Variants in PPP1R3A observed in about 807,000 individuals in gnomAD.
PPP1R3A encodes the protein RG1.
In PPP1R3A, 29 loss-of-function variants were observed where a neutral mutation model predicts 41.7. The ratio of observed to expected loss-of-function variants is 0.70; its 90% CI spans 0.52 to 0.95. PPP1R3A has a LOEUF of 0.95. PPP1R3A is among the 40% of genes least tolerant of loss of function. The pLI is 0.00. For synonymous variants in PPP1R3A, 485 were observed against 453.4 expected (o/e 1.07, Z -0.89); for missense variants, 1,352 against 1,292.4 (o/e 1.05, Z -0.71).
At chr7:113,910,858 A>T (rs1315477180) in intron 1 of PPP1R3A, among the ~76,000 whole-genome samples, 1 of 152,274 alleles carries the variant, frequency 6.6e-6, no homozygotes, top group Admixed American at 6.5e-5. Context: ...ATGTTTTCAC[A>T]TAATTAGGAA....
chr7:113,907,247 A>G (rs1797162563), intron 1 of PPP1R3A, among the ~76,000 whole-genome samples: 1 of 151,806 alleles, frequency 6.6e-6, no homozygotes, highest in Non-Finnish European at 1.5e-5. Flanking sequence ...GCCCTATTAC[A>G]ATCACATTGT....
chr7:113,891,212 C>T (rs762134223), intron 1 of PPP1R3A, among the ~76,000 whole-genome samples: 20 of 151,574 alleles, frequency 1.3e-4, no homozygotes, highest in South Asian at 2.1e-4. Context: ...AACCTCTCTG[C>T]GCCTCATTTT....
At chr7:113,907,138 C>T (rs1797161098) in intron 1 of PPP1R3A, among the ~76,000 whole-genome samples, 1 of 151,682 alleles carries the variant, frequency 6.6e-6, no homozygotes, top group African/African-American at 2.4e-5. Context: ...TTCATGTTTA[C>T]CTGTAAATCA....
In PPP1R3A at chr7:113,879,432, C is replaced by G; in HGVS notation, c.1660G>C (p.Gly554Arg). The change falls in exon 4 of 4, where the codon GGG becomes CGG. Residue 554 changes from glycine (G) to arginine (R), a missense_variant. Gly to Arg is a moderately radical substitution (Grantham distance 125, BLOSUM62 -2). Transcript: ENST00000284601. ...AGGTCTCTGTTACTAGCTCCAATCC[C>G]TGCCACACTTATTTTAGGGTTACCC... ...KMGNPKISVA[G>R]IGASNRDLAT... 1 of 1,613,516 alleles carries G rather than the reference C, an allele frequency of 6.2e-7. No individual in the cohort carries two copies. The highest frequency in any genetic ancestry group is 1.7e-4 in the Middle Eastern group (1 of 6,060).
chr7:113,889,879 G>A (rs1373471945), intron 1 of PPP1R3A, among the ~76,000 whole-genome samples: 3 of 152,118 alleles, frequency 2.0e-5, no homozygotes, highest in Non-Finnish European at 4.4e-5. Context: ...GCTCTCACAA[G>A]CTAATGGGGA....
intron 1 of PPP1R3A, among the ~76,000 whole-genome samples, chr7:113,892,374 T>C (rs1266577736): frequency 6.6e-6 from 1 of 152,088 alleles, no homozygotes; most frequent in African/African-American, 2.4e-5. Flanking sequence ...TTGTGGACTG[T>C]TTCTTTTCAT....
At chr7:113,915,011 A>T (rs1412002101) in intron 1 of PPP1R3A, among the ~76,000 whole-genome samples, 1 of 152,118 alleles carries the variant, frequency 6.6e-6, no homozygotes, top group Non-Finnish European at 1.5e-5. Context: ...TATATCAGGA[A>T]TCTGCTTAGT....
chr7:113,908,983 C>T (rs184269688), intron 1 of PPP1R3A, among the ~76,000 whole-genome samples: 17 of 151,568 alleles, frequency 1.1e-4, no homozygotes, highest in East Asian at 5.9e-4. Flanking sequence ...ACACAGGGGA[C>T]GATAGAATTA....
At chr7:113,911,845 A>G (rs1210951797) in intron 1 of PPP1R3A, among the ~76,000 whole-genome samples, 2 of 152,092 alleles carry the variant, frequency 1.3e-5, no homozygotes, top group African/African-American at 4.8e-5. Context: ...TACTAGCCAT[A>G]CACAAGATTG....
chr7:113,918,581 G>T lies in PPP1R3A; in HGVS notation c.416C>A (p.Ser139Tyr). ...ILESTESLLG[S>Y]TSIKGIIRVL... ...TCGAATAATACCCTTGATACTTGTA[G>T]ACCCAAGAAGAGACTCAGTTGACTC... Residue 139 changes from serine (S) to tyrosine (Y), a missense_variant, in exon 1 of 4, where the codon TCT becomes TAT. By Grantham distance (144) the Ser-to-Tyr change is moderately radical. Transcript: ENST00000284601. The T allele has an allele frequency of 6.2e-7, 1 of 1,613,326 alleles. No individual in the cohort carries two copies. The highest frequency in any genetic ancestry group is 8.5e-7 in the Non-Finnish European group (1 of 1,179,534).
At chr7:113,896,140 T>A (rs1164434237) in intron 1 of PPP1R3A, among the ~76,000 whole-genome samples, 1 of 151,882 alleles carries the variant, frequency 6.6e-6, no homozygotes, top group Non-Finnish European at 1.5e-5. Flanking sequence ...CGTGACTTCT[T>A]AATATGCAAA....
chr7:113,900,800 G>A (rs1797049411), intron 1 of PPP1R3A, among the ~76,000 whole-genome samples: 3 of 147,822 alleles, frequency 2.0e-5, no homozygotes, highest in African/African-American at 4.9e-5. Flanking sequence ...AATTATATAT[G>A]TATATATACT....
In PPP1R3A at chr7:113,882,163, T is replaced by A. The variant is rs1041049485; in HGVS notation, c.842A>T (p.Asp281Val). ...ACAAATGATTGTTGGGATATAGGTA[T>A]CTGAAAAGTTAATATAATTGTGCCT... is the stretch of plus-strand genomic sequence containing the variant. ...ENNFENPKNT[D>V]TYIPTIICSH... is the part of the protein sequence containing the mutation. The change falls in exon 3 of 4, where the codon GAT becomes GTT. Residue 281 changes from aspartate to valine, a missense_variant and splice_region_variant. Physicochemically the swap from Asp to Val is radical, Grantham distance 152. Transcript: ENST00000284601. The A allele has an allele frequency of 6.2e-7, 1 of 1,611,036 alleles. No homozygotes were observed. Among genetic ancestry groups the A allele is most frequent in the African/African-American group, 1.3e-5 (1 of 74,820 alleles).
At position 113,886,920 on chromosome 7, in the gene PPP1R3A, G is replaced by A. The variant is rs143729448; in HGVS notation, c.783-4600C>T. ...CTCTCATTTCACCTTTATGTTCCTCGAGTACTTTTTGATAAAGGAGAGTTT... is the reference window on the plus strand; with the variant it reads ...CTCTCATTTCACCTTTATGTTCCTCAAGTACTTTTTGATAAAGGAGAGTTT... On this transcript the variant is annotated intron_variant, in intron 1 of 3. Transcript: ENST00000284601. Among the ~76,000 whole-genome samples the A allele has an allele frequency of 8.6e-3, 1,313 of 152,124 alleles. 10 individuals are homozygous for A. The highest frequency in any genetic ancestry group is 0.017 in the Middle Eastern group (5 of 294).
intron 1 of PPP1R3A, among the ~76,000 whole-genome samples, chr7:113,910,446 A>G (rs1797225985): frequency 6.6e-6 from 1 of 152,090 alleles, no homozygotes; most frequent in Non-Finnish European, 1.5e-5. Context: ...TACAATAAAC[A>G]CAATAATCTT....
rs759989276 is a variant in PPP1R3A, at chr7:113,879,093, C to T, written c.1999G>A (p.Glu667Lys). ...NVLESQGKSR[E>K]NKTNITEHIK... ...TGCTCTGTTATGTTTGTCTTATTCT[C>T]TCTTGATTTTCCCTGACTTTCCAGA... Residue 667 changes from glutamate to lysine, a missense_variant, in exon 4 of 4, where the codon GAG (glutamate) becomes AAG (lysine). Coordinates refer to ENST00000284601, the MANE Select transcript of PPP1R3A (RefSeq NM_002711.4). 6.2e-6 allele frequency: 10 copies of T among 1,613,764 alleles called. No individual in the cohort carries two copies. The highest frequency in any genetic ancestry group is 5.5e-5 in the South Asian group (5 of 91,084).
At position 113,878,416 on chromosome 7, in the gene PPP1R3A, T is replaced by G. The variant is rs774697753; in HGVS notation, c.2676A>C (p.Thr892=). 1 of 1,611,788 alleles carries G rather than the reference T, an allele frequency of 6.2e-7. No homozygotes were observed. Among genetic ancestry groups the G allele is most frequent in the African/African-American group, 1.3e-5 (1 of 74,880 alleles). The change falls in exon 4 of 4, where the codon ACA becomes ACC. Residue 892 remains threonine, a synonymous_variant. Coordinates refer to ENST00000284601, the MANE Select transcript of PPP1R3A (RefSeq NM_002711.4). ...LRQVQELSKK[T]DSDAIVHSAF... ...CAGAATGCACAATGGCATCCGAGTC[T>G]GTTTTCTTTGATAATTCTTGAACCT...
rs1584807828 is a variant in PPP1R3A at position 113,877,103 on chromosome 7, G to A, written c.*620C>T. 2.0e-5 allele frequency: 3 copies of A among 151,894 alleles called. No homozygotes were observed. The highest frequency in any genetic ancestry group is 7.2e-5 in the African/African-American group (3 of 41,488). 9.4% of individuals were successfully genotyped at this position (151,894 alleles called of 1,614,324 possible). Reference sequence around the variant, plus strand: ...TGCCTATGAACGCCCTGACTTTGTAGCTATAAAGAAGGTATGTGTGTGTGT... The same window carrying A: ...TGCCTATGAACGCCCTGACTTTGTAACTATAAAGAAGGTATGTGTGTGTGT... On this transcript the variant is annotated 3_prime_UTR_variant, in exon 4 of 4. Transcript: ENST00000284601.
rs1796605214 is a variant in PPP1R3A, at chr7:113,878,176, T to A, written c.2916A>T (p.Lys972Asn). Residue 972 changes from lysine to asparagine, a missense_variant, in exon 4 of 4, where the codon AAA becomes AAT. Coordinates refer to ENST00000284601, the MANE Select transcript of PPP1R3A (RefSeq NM_002711.4). Reference sequence around the variant, plus strand: ...CTGAACTTCTGGAAACTTCTTCAGGTTTAGACTCAGGATAAGGGTGCTTCT... The same window carrying A: ...CTGAACTTCTGGAAACTTCTTCAGGATTAGACTCAGGATAAGGGTGCTTCT... ...GIEKHPYPES[K>N]PEEVSRSSGI... The A allele has an allele frequency of 6.2e-7, 1 of 1,613,280 alleles. No homozygotes were observed. Among genetic ancestry groups the A allele is most frequent in the East Asian group, 2.2e-5 (1 of 44,808 alleles).
Sources: allele counts gnomAD v4.1 joint callset (sites outside exome capture counted in the v4.1 genomes callset), GRCh38; gene constraint gnomAD v4.1.1; transcripts MANE v1.5; gene names NCBI Gene and HGNC (gene_info 2026-07-23, HGNC 2026-07-21).